Variants in RNF38 observed in about 807,000 individuals in gnomAD.
The protein encoded by RNF38 is ring finger protein 38.
A neutral mutation model predicts 67.2 loss-of-function variants in RNF38; 15 were observed. That is an observed-to-expected ratio of 0.22 (90% confidence interval 0.15 to 0.34). RNF38 has a LOEUF of 0.34. RNF38 is among the 10% of genes least tolerant of loss of function. RNF38 has a pLI of 1.00. For missense variants in RNF38, 524 were observed against 639.9 expected (o/e 0.82, Z 1.95); for synonymous variants, 220 against 218.8 (o/e 1.01, Z -0.05).
upstream of RNF38, chr9:36,400,374 G>A (rs142134914): frequency 0.014 from 16,399 of 1,181,538 alleles, 139 homozygotes; most frequent in Non-Finnish European, 0.016. Context: ...GCCATCTGCC[G>A]GGCAGCGGGC....
At chr9:36,465,315 T>C (rs1398620029) in intron 1 of RNF38, among the ~76,000 whole-genome samples, 1 of 152,226 alleles carries the variant, frequency 6.6e-6, no homozygotes, top group Non-Finnish European at 1.5e-5. Context: ...ATGTAAAAAC[T>C]TGTACACAAG....
At chr9:36,450,780 G>A (rs1335971580) in intron 1 of RNF38, among the ~76,000 whole-genome samples, 2 of 152,148 alleles carry the variant, frequency 1.3e-5, no homozygotes, top group African/African-American at 2.4e-5. Flanking sequence ...CTGGCGTGGT[G>A]GTTCATGCCT....
At chr9:36,461,078 GGT>G (rs1564071736) in intron 1 of RNF38, among the ~76,000 whole-genome samples, 2 of 152,042 alleles carry the variant, frequency 1.3e-5, no homozygotes, top group Admixed American at 1.3e-4. Context: ...AGCTGGGTGT[GGT>G]GGTGCACACC....
At chr9:36,388,700 G>C (rs1220317765) in intron 2 of RNF38, among the ~76,000 whole-genome samples, 1 of 152,030 alleles carries the variant, frequency 6.6e-6, no homozygotes, top group East Asian at 1.9e-4. Flanking sequence ...AGAAAAGACA[G>C]GAGTTTAAAG....
At chr9:36,388,452 C>T (rs1021237759) in intron 2 of RNF38, among the ~76,000 whole-genome samples, 3 of 151,894 alleles carry the variant, frequency 2.0e-5, no homozygotes, top group African/African-American at 7.2e-5. Flanking sequence ...AGGACAATGA[C>T]AGAACTGATA....
rs1837871413 is a variant in RNF38 at position 36,399,942 on chromosome 9, GT to G, written c.12+154del. Among the ~76,000 whole-genome samples the G allele has an allele frequency of 3.9e-5, 6 of 152,186 alleles. No homozygotes were observed. In the South Asian group the frequency reaches 1.2e-3, roughly 32 times the overall value. On this transcript the variant is annotated intron_variant, in intron 1 of 11. Coordinates refer to ENST00000259605, the MANE Select transcript of RNF38 (RefSeq NM_022781.5). The stretch of plus-strand genomic sequence containing the variant: ...TTTGTATACATTTAAGTTTTCATAC[GT>G]TAAGTCCACCGCTTAAGAAAAAAGA...
intron 1 of RNF38, among the ~76,000 whole-genome samples, chr9:36,444,919 CTTTTTTTTT>C (rs34369319): frequency 7.5e-6 from 1 of 133,448 alleles, no homozygotes; most frequent in Non-Finnish European, 1.6e-5. Flanking sequence ...GAGCCATTCT[CTTTTTTTTT>C]TTTTTTTTTG....
intron 1 of RNF38, among the ~76,000 whole-genome samples, chr9:36,425,292 T>TA (rs1239951822): frequency 6.6e-6 from 1 of 152,098 alleles, no homozygotes; most frequent in Non-Finnish European, 1.5e-5. Context: ...CCATTTTTTT[T>TA]AAAAAAAGTT....
chr9:36,406,622 A>T (rs1020549621), intron 2 of RNF38, among the ~76,000 whole-genome samples: 1 of 152,354 alleles, frequency 6.6e-6, no homozygotes, highest in East Asian at 1.9e-4. Context: ...AGCACATACC[A>T]TGTGCTTAAT....
At chr9:36,403,733 C>T (rs923226913), upstream of RNF38, among the ~76,000 whole-genome samples, 1 of 152,190 alleles carries the variant, frequency 6.6e-6, no homozygotes, top group Non-Finnish European at 1.5e-5. Flanking sequence ...CATTCTAATA[C>T]ATGGGAATAA....
At chr9:36,388,885 T>G (rs186002099) in intron 2 of RNF38, among the ~76,000 whole-genome samples, 16 of 152,266 alleles carry the variant, frequency 1.1e-4, no homozygotes, top group Admixed American at 1.0e-3. Flanking sequence ...GATGGCTGGG[T>G]AGGTTTTTCT....
intron 1 of RNF38, among the ~76,000 whole-genome samples, chr9:36,482,041 C>T: frequency 6.9e-6 from 1 of 145,904 alleles, no homozygotes; most frequent in East Asian, 2.0e-4. Context: ...TTACCAGATA[C>T]TTTTGTCTTT....
At position 36,435,153 on chromosome 9, in the gene RNF38, C is replaced by T. The variant is rs1265319897; in HGVS notation, n.242-10470G>A. Among the ~76,000 whole-genome samples, 6 of 152,268 alleles carry T rather than the reference C, an allele frequency of 3.9e-5. No homozygotes were observed. In the East Asian group the frequency reaches 9.6e-4, roughly 24 times the overall value. ...TGTATAGAAACTGATCACACTGTCT[C>T]TATAAGTCTAGGGAGAACAACGAAG... On this transcript the variant is annotated intron_variant and non_coding_transcript_variant, in intron 1 of 3. Transcript: ENST00000488058.
chr9:36,372,497 T>C lies in RNF38; in HGVS notation c.357-2565A>G, dbSNP rs564763340. ...TCAAATACCTAGCTTTGTGCTCACC[T>C]CTGTAACTGAAATCCTGCTAGATTA... On this transcript the variant is annotated intron_variant, in intron 3 of 11. Coordinates refer to ENST00000259605, the MANE Select transcript of RNF38 (RefSeq NM_022781.5). 8.0e-5 allele frequency: 57 copies of C among 711,112 alleles called. 1 individual carries two copies. Among genetic ancestry groups the C allele is most frequent in the South Asian group, 1.7e-4 (11 of 65,912 alleles). 44.1% of individuals were successfully genotyped at this position (711,112 alleles called of 1,614,324 possible).
At chr9:36,454,151 TCTCA>T (rs953200340) in intron 1 of RNF38, among the ~76,000 whole-genome samples, 1 of 150,100 alleles carries the variant, frequency 6.7e-6, no homozygotes, top group Non-Finnish European at 1.5e-5. Flanking sequence ...TGAGACAGAG[TCTCA>T]CTCTGTCACC....
At chr9:36,344,014 T>A (rs1199456190) in intron 10 of RNF38, among the ~76,000 whole-genome samples, 2 of 152,204 alleles carry the variant, frequency 1.3e-5, no homozygotes, top group Non-Finnish European at 1.5e-5. Context: ...TTGTACTTTT[T>A]AAATTATTAT....
rs558120620 is a variant in RNF38, at chr9:36,373,765, C to T, written c.356+2169G>A. On this transcript the variant is annotated intron_variant, in intron 3 of 11. Transcript: ENST00000259605. ...GCTGGGATTACACGTTGTCAGCCACCGCACCCGGCCTTGCTAGCCTTTTTT... is the reference window on the plus strand; with the variant it reads ...GCTGGGATTACACGTTGTCAGCCACTGCACCCGGCCTTGCTAGCCTTTTTT... 1.8e-4 allele frequency among the ~76,000 whole-genome samples: 28 copies of T among 151,674 alleles called. No homozygotes were observed. The South Asian group carries it at 2.9e-3, about 16-fold the overall frequency.
At chr9:36,407,431 C>T (rs1341588897) in intron 2 of RNF38, among the ~76,000 whole-genome samples, 2 of 152,088 alleles carry the variant, frequency 1.3e-5, no homozygotes, top group African/African-American at 4.8e-5. Flanking sequence ...AGCAGGTGGA[C>T]AGTGAAAAGG....
chr9:36,356,096 C>T (rs1834084126), intron 6 of RNF38, among the ~76,000 whole-genome samples: 1 of 152,174 alleles, frequency 6.6e-6, no homozygotes, highest in South Asian at 2.1e-4. Context: ...ATCTGCCTGC[C>T]TCGACCTCCC....
Sources: gnomAD v4.1 joint callset for allele counts (sites outside exome capture counted in the v4.1 genomes callset) on GRCh38, gnomAD v4.1.1 for gene constraint, MANE v1.5 for transcripts, NCBI Gene and HGNC (gene_info 2026-07-23, HGNC 2026-07-21) for gene names.